TWF2: variants seen among roughly 807,000 people sequenced by gnomAD.
TWF2 encodes the protein twinfilin-2.
TWF2 carries 15 observed loss-of-function variants against 45.1 expected under a neutral mutation model. That is an observed-to-expected ratio of 0.33 (90% CI 0.22 to 0.51). The LOEUF is 0.51. TWF2 is among the 20% of genes least tolerant of loss of function. The pLI, the probability that TWF2 is intolerant of heterozygous loss-of-function variation, is 0.97. For missense variants in TWF2, 423 were observed against 469.1 expected, an observed-to-expected ratio of 0.90 and a Z score of 0.91; for synonymous variants, 177 against 195.8, an observed-to-expected ratio of 0.90 and a Z score of 0.80.
In TWF2 at chr3:52,232,112, C is replaced by T; in HGVS notation, c.114G>A (p.Val38=). 1 of 1,591,002 alleles carries T rather than the reference C, an allele frequency of 6.3e-7. No homozygotes were observed. Among genetic ancestry groups the T allele is most frequent in the Non-Finnish European group, 8.6e-7 (1 of 1,168,838 alleles). ...CTACTGGCTCCTGCGAGGCACCCAG[C>T]ACGAGCTGCTCTGGGGGCAGAGGCC... ...IKVVIEDEQL[V]LGASQEPVGR... Residue 38 remains valine (V), a synonymous_variant, in exon 3 of 9, where the codon GTG becomes GTA. Coordinates refer to ENST00000305533, the MANE Select transcript of TWF2 (RefSeq NM_007284.4).
chr3:52,231,598 A>T, intron 3 of TWF2, 59 bp from the exon 4 acceptor site: 1 of 1,540,970 alleles, frequency 6.5e-7, no homozygotes, highest in Non-Finnish European at 8.8e-7. Context: ...CTCCCGGAAC[A>T]GACAGGTGCC....
intron 2 of TWF2, among the ~76,000 whole-genome samples, chr3:52,233,475 GA>G (rs1317799818): frequency 6.6e-6 from 1 of 152,218 alleles, no homozygotes; most frequent in Non-Finnish European, 1.5e-5. Flanking sequence ...AGCCTCTCTA[GA>G]AAAATCAGGC....
intron 2 of TWF2, among the ~76,000 whole-genome samples, chr3:52,234,547 C>G (rs1699707854): frequency 6.6e-6 from 1 of 152,236 alleles, no homozygotes; most frequent in South Asian, 2.1e-4. Context: ...ATGAGCCAGA[C>G]ACTCATCCCT....
At chr3:52,229,804 G>A in intron 7 of TWF2, 22 bp from the exon 8 acceptor site, 1 of 1,604,734 alleles carries the variant, frequency 6.2e-7, no homozygotes, top group Non-Finnish European at 8.5e-7. Context: ...CAGGAGGTGA[G>A]CCTGGGAGGC....
chr3:52,230,800 A>G, intron 6 of TWF2, 70 bp downstream of exon 6: 1 of 1,554,244 alleles, frequency 6.4e-7, no homozygotes, highest in Middle Eastern at 1.8e-4. Flanking sequence ...CTCCATGTAC[A>G]TCTGCACATG....
In TWF2 at chr3:52,229,217, C is replaced by A. The variant is rs2107300123; in HGVS notation, c.883-16G>T. ...CAATCTCAATCTGCATGGGGCAAGG[C>A]AGTGGTCACCCCAATGGGAGGGGCT... On this transcript the variant is annotated splice_polypyrimidine_tract_variant and intron_variant, in intron 8 of 8. Coordinates refer to ENST00000305533, the MANE Select transcript of TWF2 (RefSeq NM_007284.4). The A allele has an allele frequency of 6.2e-7, 1 of 1,608,024 alleles. No individual in the cohort carries two copies. Among genetic ancestry groups the A allele is most frequent in the South Asian group, 1.1e-5 (1 of 91,012 alleles).
chr3:52,238,425 C>T (rs1294906653), intron 1 of TWF2, among the ~76,000 whole-genome samples: 3 of 152,206 alleles, frequency 2.0e-5, no homozygotes, highest in African/African-American at 7.2e-5. Context: ...TAAACAAGCC[C>T]ATTCAAGTCA....
At chr3:52,232,933 C>T (rs1699693137) in intron 2 of TWF2, among the ~76,000 whole-genome samples, 2 of 152,142 alleles carry the variant, frequency 1.3e-5, no homozygotes, top group South Asian at 4.1e-4. Context: ...TCGCTTGAAC[C>T]CAGGAGGCGG....
chr3:52,232,205 C>T, intron 2 of TWF2, 83 bp from the exon 3 acceptor site: 2 of 1,429,838 alleles, frequency 1.4e-6, no homozygotes, highest in South Asian at 1.5e-5. Flanking sequence ...CCGTGGCTGC[C>T]CAGCTGGCTC....
chr3:52,235,158 C>T lies in TWF2; in HGVS notation c.26-52G>A, dbSNP rs146421837. Reference sequence around the variant, plus strand: ...GATGAGTGGGCAGAGTGGACAGAGACGAGTATGGGGCCTGCTCTGTCCCAC... The same window carrying T: ...GATGAGTGGGCAGAGTGGACAGAGATGAGTATGGGGCCTGCTCTGTCCCAC... On this transcript the variant is annotated intron_variant, in intron 1 of 8. Coordinates refer to ENST00000305533, the MANE Select transcript of TWF2 (RefSeq NM_007284.4). 940 of 1,574,664 alleles carry T rather than the reference C, an allele frequency of 6.0e-4. 4 individuals carry two copies. Among genetic ancestry groups the T allele is most frequent in the Middle Eastern group, 5.0e-3 (30 of 5,992 alleles).
chr3:52,232,154 C>A, intron 2 of TWF2, 32 bp from the exon 3 acceptor site: 1 of 1,494,262 alleles, frequency 6.7e-7, no homozygotes, highest in East Asian at 2.5e-5. Flanking sequence ...GCAGCCGCTC[C>A]CAGCTCCCAC....
intron 1 of TWF2, among the ~76,000 whole-genome samples, chr3:52,238,022 C>A (rs1699743296): frequency 6.6e-6 from 1 of 152,234 alleles, no homozygotes; most frequent in Non-Finnish European, 1.5e-5. Flanking sequence ...AGAGTCAGGG[C>A]ACCTGGCTCC....
Position 52,230,853 on chromosome 3 carries a change from A to G in TWF2, c.609+17T>C. On this transcript the variant is annotated intron_variant, in intron 6 of 8. Coordinates refer to ENST00000305533, the MANE Select transcript of TWF2 (RefSeq NM_007284.4). The stretch of plus-strand genomic sequence containing the variant: ...GGGTGGTGGCAGCATGTGCCAGGGT[A>G]GGGAGCAGGCACCCACCATCTGGAT... 1 of 1,609,324 alleles carries G rather than the reference A, an allele frequency of 6.2e-7. No homozygotes were observed. Among genetic ancestry groups the G allele is most frequent in the South Asian group, 1.1e-5 (1 of 90,290 alleles).
intron 2 of TWF2, chr3:52,232,341 C>T: frequency 1.7e-6 from 1 of 599,118 alleles, no homozygotes; most frequent in Non-Finnish European, 2.9e-6. Context: ...CCCTGCACAT[C>T]CCCAGCGCGT....
At position 52,239,139 on chromosome 3, in the gene TWF2, CG is replaced by C; in HGVS notation, c.-124del. 1 of 1,295,030 alleles carries C rather than the reference CG, an allele frequency of 7.7e-7. No homozygotes were observed. The highest frequency in any genetic ancestry group is 9.9e-7 in the Non-Finnish European group (1 of 1,005,262). The allele number at this position is 1,295,030 out of a possible 1,614,324, so 80.2% of individuals were successfully genotyped here. On this transcript the variant is annotated 5_prime_UTR_variant, in exon 1 of 9. Coordinates refer to ENST00000305533, the MANE Select transcript of TWF2 (RefSeq NM_007284.4). The stretch of plus-strand genomic sequence containing the variant: ...GGCTGTCGACCCTCGCGCAGCTTCC[CG>C]GGCGGTGCCGCAGGACCCGCCCCCA...
intron 2 of TWF2, among the ~76,000 whole-genome samples, chr3:52,232,464 G>A (rs1227088052): frequency 6.6e-6 from 1 of 152,006 alleles, no homozygotes; most frequent in Non-Finnish European, 1.5e-5. Flanking sequence ...TGCTCCCTTG[G>A]ACCCCATCCC....
intron 2 of TWF2, 129 bp from the exon 3 acceptor site, chr3:52,232,251 C>T (rs1000390993): frequency 3.4e-6 from 4 of 1,185,898 alleles, no homozygotes; most frequent in Non-Finnish European, 4.6e-6. Context: ...CCCTGGAGCC[C>T]CCAGGTCCCA....
At chr3:52,237,164 G>T (rs1038863561) in intron 1 of TWF2, among the ~76,000 whole-genome samples, 17 of 152,150 alleles carry the variant, frequency 1.1e-4, no homozygotes, top group Non-Finnish European at 2.4e-4. Flanking sequence ...GCCCCTTCTA[G>T]TGTTACCAGG....
intron 1 of TWF2, among the ~76,000 whole-genome samples, chr3:52,237,946 G>A (rs149115847): frequency 3.2e-3 from 492 of 152,340 alleles, no homozygotes; most frequent in Non-Finnish European, 5.9e-3. Flanking sequence ...CAAACAGCCC[G>A]GGCCTTCCCC....
Sources: gnomAD v4.1 joint callset for allele counts (sites outside exome capture counted in the v4.1 genomes callset) on GRCh38, gnomAD v4.1.1 for gene constraint, MANE v1.5 for transcripts, NCBI Gene and HGNC (gene_info 2026-07-23, HGNC 2026-07-21) for gene names.